Variants in CTNNA3 observed in about 807,000 individuals in gnomAD.
CTNNA3 encodes catenin alpha-3.
CTNNA3 carries 76 observed loss-of-function variants against 95.7 expected under a neutral mutation model. That is an observed-to-expected ratio of 0.79 (90% CI 0.66 to 0.96). The LOEUF (loss-of-function observed/expected upper bound fraction) is 0.96. CTNNA3 is among the 40% of genes least tolerant of loss of function. The pLI is 0.00. For missense variants in CTNNA3, 1,191 were observed against 1,089.8 expected (o/e 1.09, Z -1.31); for synonymous variants, 431 against 374.4 (o/e 1.15, Z -1.74).
intron 4 of CTNNA3, among the ~76,000 whole-genome samples, chr10:67,534,671 T>A (rs558183609): frequency 6.6e-6 from 1 of 152,324 alleles, no homozygotes; most frequent in East Asian, 1.9e-4. Context: ...AGAATGTGTG[T>A]ATCTGTGTGT....
At chr10:67,387,441 G>T (rs1339624754) in intron 5 of CTNNA3, among the ~76,000 whole-genome samples, 4 of 152,268 alleles carry the variant, frequency 2.6e-5, no homozygotes, top group South Asian at 2.1e-4. Context: ...TGCTAGCACG[G>T]CAGTCTGAGA....
intron 17 of CTNNA3, among the ~76,000 whole-genome samples, chr10:65,926,073 G>T (rs2077164734): frequency 6.7e-6 from 1 of 149,746 alleles, no homozygotes; most frequent in African/African-American, 2.4e-5. Context: ...ATATATAATA[G>T]ATTACATACA....
At chr10:67,094,690 A>T (rs1282449252) in intron 7 of CTNNA3, among the ~76,000 whole-genome samples, 1 of 151,772 alleles carries the variant, frequency 6.6e-6, no homozygotes, top group Non-Finnish European at 1.5e-5. Context: ...GGAAGAAATG[A>T]CTTAAATTTA....
intron 9 of CTNNA3, among the ~76,000 whole-genome samples, chr10:66,711,275 A>T (rs1009907650): frequency 7.3e-5 from 11 of 151,386 alleles, no homozygotes; most frequent in Admixed American, 1.3e-4. Flanking sequence ...AAAAAAAAAA[A>T]AGTAAGAAAC....
intron 9 of CTNNA3, among the ~76,000 whole-genome samples, chr10:66,733,307 T>A (rs1589187037): frequency 2.0e-5 from 3 of 152,108 alleles, no homozygotes; most frequent in African/African-American, 4.8e-5. Context: ...TATTGTTTTT[T>A]AAATTTGTGC....
At chr10:66,835,501 T>C (rs1842856802) in intron 7 of CTNNA3, among the ~76,000 whole-genome samples, 1 of 152,200 alleles carries the variant, frequency 6.6e-6, no homozygotes, top group Non-Finnish European at 1.5e-5. Context: ...TGTTATCATA[T>C]TTACTGATAT....
intron 5 of CTNNA3, among the ~76,000 whole-genome samples, chr10:67,416,212 A>G (rs1845532777): frequency 6.6e-6 from 1 of 152,152 alleles, no homozygotes; most frequent in African/African-American, 2.4e-5. Flanking sequence ...GAGACAACCT[A>G]TAGAATGATA....
At position 67,250,221 on chromosome 10, in the gene CTNNA3, C is replaced by CT. The variant is rs1281095761; in HGVS notation, c.580-30352dup. 7.1e-3 allele frequency among the ~76,000 whole-genome samples: 1,034 copies of CT among 145,610 alleles called. 23 individuals carry two copies. The highest frequency in any genetic ancestry group is 0.022 in the African/African-American group (884 of 40,032). The stretch of plus-strand genomic sequence containing the variant: ...GAAATCTAAGTATACAGAGGGCCAA[C>CT]TTTTTTTTTTTTGAGATGGAGTCTC... On this transcript the variant is annotated intron_variant, in intron 5 of 17. Coordinates refer to ENST00000433211, the MANE Select transcript of CTNNA3 (RefSeq NM_013266.4).
chr10:66,508,307 C>T (rs754299173), intron 11 of CTNNA3, among the ~76,000 whole-genome samples: 13 of 150,924 alleles, frequency 8.6e-5, no homozygotes, highest in Non-Finnish European at 1.3e-4. Flanking sequence ...GGCTGCCTCT[C>T]CCACCAGGCA....
At chr10:66,296,902 C>T (rs953055348) in intron 12 of CTNNA3, among the ~76,000 whole-genome samples, 1 of 152,088 alleles carries the variant, frequency 6.6e-6, no homozygotes, top group Non-Finnish European at 1.5e-5. Context: ...GTGCTAAATA[C>T]AAAGCAGATA....
At chr10:67,728,036 ATAAT>A (rs1841251655) in intron 1 of CTNNA3, among the ~76,000 whole-genome samples, 1 of 141,522 alleles carries the variant, frequency 7.1e-6, no homozygotes. Flanking sequence ...TATATGATAT[ATAAT>A]TATAATTATA....
At chr10:66,544,172 GCTAA>G (rs1464450922) in intron 10 of CTNNA3, among the ~76,000 whole-genome samples, 6 of 151,768 alleles carry the variant, frequency 4.0e-5, no homozygotes, top group African/African-American at 1.5e-4. Flanking sequence ...ATTTTAATCT[GCTAA>G]CTATGACAGA....
At chr10:67,501,432 T>C (rs1241412514) in intron 5 of CTNNA3, among the ~76,000 whole-genome samples, 1 of 152,152 alleles carries the variant, frequency 6.6e-6, no homozygotes, top group Non-Finnish European at 1.5e-5. Flanking sequence ...AATCTGATGA[T>C]TATGTGTCTT....
chr10:67,490,698 C>T (rs187800270), intron 5 of CTNNA3, among the ~76,000 whole-genome samples: 2 of 151,944 alleles, frequency 1.3e-5, no homozygotes, highest in Non-Finnish European at 2.9e-5. Context: ...ACTCTCATTG[C>T]AAAAATAATG....
At chr10:66,042,171 T>A (rs1178833713) in intron 15 of CTNNA3, among the ~76,000 whole-genome samples, 1 of 152,216 alleles carries the variant, frequency 6.6e-6, no homozygotes. Context: ...GTAGTAAACA[T>A]CATCCAGGTA....
At chr10:65,926,730 C>T (rs2077174398) in intron 17 of CTNNA3, among the ~76,000 whole-genome samples, 1 of 152,154 alleles carries the variant, frequency 6.6e-6, no homozygotes, top group East Asian at 1.9e-4. Flanking sequence ...CCTGCCTTGG[C>T]CTCCCAAAGT....
chr10:66,514,538 A>G (rs1840771862), intron 11 of CTNNA3, among the ~76,000 whole-genome samples: 1 of 152,146 alleles, frequency 6.6e-6, no homozygotes, highest in African/African-American at 2.4e-5. Flanking sequence ...AGAAGTGGTC[A>G]ATCTCTTTTT....
chr10:67,049,202 T>C (rs1374542960), intron 7 of CTNNA3, among the ~76,000 whole-genome samples: 12 of 152,076 alleles, frequency 7.9e-5, no homozygotes, highest in Admixed American at 7.9e-4. Context: ...AAGATGATGA[T>C]GGTAGAAACA....
chr10:67,324,677 A>G (rs541592094), intron 5 of CTNNA3, among the ~76,000 whole-genome samples: 14 of 151,538 alleles, frequency 9.2e-5, no homozygotes, highest in African/African-American at 3.4e-4. Context: ...ATGTTCTTCA[A>G]GGATATTAGT....
Sources: allele counts gnomAD v4.1 joint callset (sites outside exome capture counted in the v4.1 genomes callset), GRCh38; gene constraint gnomAD v4.1.1; transcripts MANE v1.5; gene names NCBI Gene and HGNC (gene_info 2026-07-23, HGNC 2026-07-21).